POLE3: variants seen among roughly 807,000 people sequenced by gnomAD.
The protein encoded by POLE3 is DNA polymerase epsilon subunit 3.
A neutral mutation model predicts 16.1 loss-of-function variants in POLE3; 10 were observed. The observed-to-expected ratio is 0.62, with a 90% CI of 0.38 to 1.05. The LOEUF is 1.05. Among genes scored for constraint, POLE3 ranks in the 50% least tolerant of loss-of-function variants. The pLI is 0.01. For missense variants in POLE3, 169 were observed against 185.0 expected (o/e 0.91, Z 0.50); for synonymous variants, 83 against 71.0 (o/e 1.17, Z -0.85).
chr9:113,409,580 A>G (rs1225467060), intron 4 of POLE3, 30 bp downstream of exon 4: 3 of 1,290,666 alleles, frequency 2.3e-6, no homozygotes, highest in African/African-American at 1.5e-5. Flanking sequence ...ACCATCTTCT[A>G]TGTGGTTTAG....
rs1242988457 is a variant in POLE3 at position 113,408,688 on chromosome 9, T to G, written c.*123A>C. ...GACGGTATTTCTAGTCAGTTTTTAT[T>G]CTGATCTTTTCAGGCACTTTTGCCT... On this transcript the variant is annotated 3_prime_UTR_variant, in exon 5 of 5. Transcript: ENST00000374171. 2 of 762,228 alleles carry G rather than the reference T, an allele frequency of 2.6e-6. No individual in the cohort carries two copies. The highest frequency in any genetic ancestry group is 3.5e-5 in the African/African-American group (2 of 57,468). 47.2% of individuals were successfully genotyped at this position (762,228 alleles called of 1,614,324 possible).
In POLE3 at chr9:113,408,288, T is replaced by C. The variant is rs1827979619; in HGVS notation, c.*523A>G. 6.6e-6 allele frequency: 1 copy of C among 152,328 alleles called. No individual in the cohort carries two copies. Among genetic ancestry groups the C allele is most frequent in the African/African-American group, 2.4e-5 (1 of 41,450 alleles). The allele number at this position is 152,328 out of a possible 1,614,324, so 9.4% of individuals were successfully genotyped here. ...AGTGAAGAGAGAGAACGGATTTTGT[T>C]ATTCTCCCACAGCATTTTAGTAGTT... On this transcript the variant is annotated 3_prime_UTR_variant, in exon 5 of 5. Coordinates refer to ENST00000374171, the MANE Select transcript of POLE3 (RefSeq NM_017443.5).
intron 3 of POLE3, 51 bp downstream of exon 3, chr9:113,410,004 A>G (rs1248311001): frequency 2.1e-6 from 3 of 1,452,716 alleles, no homozygotes; most frequent in African/African-American, 2.8e-5. Flanking sequence ...CCCAGCCAGC[A>G]ACTCCCAGCC....
In POLE3 at chr9:113,410,343, C is replaced by G. The variant is rs748646033; in HGVS notation, c.-50G>C. ...CCTTCGCCTCCGCTTCAGGGAGCTA[C>G]TGCGTCCGGACTTCCCGCGTCGCTA... On this transcript the variant is annotated 5_prime_UTR_variant, in exon 2 of 5. Coordinates refer to ENST00000374171, the MANE Select transcript of POLE3 (RefSeq NM_017443.5). 6.4e-7 allele frequency: 1 copy of G among 1,557,814 alleles called. No individual in the cohort carries two copies. The highest frequency in any genetic ancestry group is 1.1e-5 in the South Asian group (1 of 88,000).
At chr9:113,410,506 G>A (rs1429054378) in intron 1 of POLE3, 98 bp from the exon 2 acceptor site, 3 of 604,134 alleles carry the variant, frequency 5.0e-6, no homozygotes, top group African/African-American at 1.8e-5. Flanking sequence ...TTTTGAAGCC[G>A]CAGTGGTTTT....
rs918481657 is a variant in POLE3 at position 113,409,158 on chromosome 9, T to G, written c.272-175A>C. Among the ~76,000 whole-genome samples, 23 of 151,524 alleles carry G rather than the reference T, an allele frequency of 1.5e-4. 1 individual carries two copies. Among genetic ancestry groups the G allele is most frequent in the Non-Finnish European group, 1.5e-5 (1 of 67,894 alleles). On this transcript the variant is annotated intron_variant, in intron 4 of 4. Coordinates refer to ENST00000374171, the MANE Select transcript of POLE3 (RefSeq NM_017443.5). ...GGGCGGATCACCTGAGGTCAGGAGT[T>G]CAAGACCAGCCTGGCCAATATGGTG...
chr9:113,410,686 G>A (rs1468035757), upstream of POLE3: 1 of 243,538 alleles, frequency 4.1e-6, no homozygotes. Flanking sequence ...GGGTGACGGC[G>A]CGGCCGGGCG....
At position 113,410,254 on chromosome 9, in the gene POLE3, C is replaced by A; in HGVS notation, c.40G>T (p.Val14Leu). 1 of 1,613,808 alleles carries A rather than the reference C, an allele frequency of 6.2e-7. No homozygotes were observed. Among genetic ancestry groups the A allele is most frequent in the Non-Finnish European group, 8.5e-7 (1 of 1,179,996 alleles). Residue 14 changes from valine to leucine, a missense_variant, in exon 2 of 5, where the codon GTG becomes TTG. By Grantham distance (32) the Val-to-Leu change is conservative. Transcript: ENST00000374171. ...GCCTCCTTGATGATCCTGGTGATCA[C>A]GGCATTGGGCAGGTTTAGGTCCTCG... ...RPEDLNLPNAVITRIIKEALP... is the reference protein window; with the variant it reads ...RPEDLNLPNALITRIIKEALP...
chr9:113,409,888 A>G (rs1828047477), intron 3 of POLE3, 160 bp from the exon 4 acceptor site: 2 of 755,674 alleles, frequency 2.6e-6, no homozygotes, highest in Non-Finnish European at 4.3e-6. Flanking sequence ...AAGCTAAAGC[A>G]AAGTGATTTT....
At position 113,409,359 on chromosome 9, in the gene POLE3, CAAAAAA is replaced by C. The variant is rs35481754; in HGVS notation, c.271+245_271+250del. ...TGGGTGACAGAGCAAGACTCCGTCT[CAAAAAA>C]AAAAAAAAAAAAACAAAAACAAGAA... On this transcript the variant is annotated intron_variant, in intron 4 of 4. Coordinates refer to ENST00000374171, the MANE Select transcript of POLE3 (RefSeq NM_017443.5). Among the ~76,000 whole-genome samples the C allele has an allele frequency of 1.2e-4, 11 of 89,498 alleles. No individual in the cohort carries two copies. The East Asian group carries it at 3.9e-3, about 32-fold the overall frequency. 58.7% of individuals were successfully genotyped at this position (89,498 alleles called of 152,430 possible). A position where few individuals can be genotyped will look rare whatever the true frequency, so the allele number is the denominator to read the frequency against.
intron 3 of POLE3, 37 bp from the exon 4 acceptor site, chr9:113,409,765 T>C: frequency 7.4e-7 from 1 of 1,353,044 alleles, no homozygotes; most frequent in Non-Finnish European, 1.1e-6. Context: ...TCCCTCTTGT[T>C]TGTAAGGCGT....
chr9:113,409,282 C>A (rs185314331), intron 4 of POLE3, among the ~76,000 whole-genome samples: 280 of 150,282 alleles, frequency 1.9e-3, no homozygotes, highest in African/African-American at 6.5e-3. Context: ...ATTGCTTGAA[C>A]CCAGGAGGAG....
chr9:113,409,359 CAAAAA>C (rs35481754), intron 4 of POLE3, among the ~76,000 whole-genome samples: 2 of 89,504 alleles, frequency 2.2e-5, no homozygotes, highest in Non-Finnish European at 4.5e-5. Context: ...GACTCCGTCT[CAAAAA>C]AAAAAAAAAA....
chr9:113,410,131 C>A lies in POLE3; in HGVS notation c.76G>T (p.Gly26Cys). ...CGGGCCTCCTTGGAGATGTTGACAC[C>A]GTCCGGGAGCTGCGAGGAGACCGGG... is the stretch of plus-strand genomic sequence containing the variant. ...TRIIKEALPD[G>C]VNISKEARSA... Residue 26 changes from glycine to cysteine, a missense_variant, in exon 3 of 5, where the codon GGT (glycine) becomes TGT (cysteine). By Grantham distance (159) the Gly-to-Cys change is radical. Coordinates refer to ENST00000374171, the MANE Select transcript of POLE3 (RefSeq NM_017443.5). The A allele has an allele frequency of 6.3e-7, 1 of 1,597,560 alleles. No individual in the cohort carries two copies. Among genetic ancestry groups the A allele is most frequent in the South Asian group, 1.1e-5 (1 of 88,680 alleles).
At chr9:113,410,689 G>A, upstream of POLE3, 1 of 245,600 alleles carries the variant, frequency 4.1e-6, no homozygotes, top group East Asian at 9.2e-5. Context: ...TGACGGCGCG[G>A]CCGGGCGCAG....
chr9:113,408,595 C>A lies in POLE3; in HGVS notation c.*216G>T. 1 of 448,750 alleles carries A rather than the reference C, an allele frequency of 2.2e-6. No homozygotes were observed. Among genetic ancestry groups the A allele is most frequent in the African/African-American group, 2.0e-5 (1 of 51,048 alleles). 27.8% of individuals were successfully genotyped at this position (448,750 alleles called of 1,614,324 possible). A position where few individuals can be genotyped will look rare whatever the true frequency, so the allele number is the denominator to read the frequency against. On this transcript the variant is annotated 3_prime_UTR_variant, in exon 5 of 5. Coordinates refer to ENST00000374171, the MANE Select transcript of POLE3 (RefSeq NM_017443.5). ...ATCCCTCTTGTCAAAAGGCCATAAC[C>A]TTCAGATTGATGAAGCAAAACAGGA... is the stretch of plus-strand genomic sequence containing the variant.
chr9:113,409,735 G>T lies in POLE3; in HGVS notation c.153-7C>A. On this transcript the variant is annotated splice_polypyrimidine_tract_variant and splice_region_variant and intron_variant, in intron 3 of 4. Transcript: ENST00000374171. ...CATTGCAAAGTTGTTAGCACTGAGA[G>T]AAGAGAAAGGCTGTCAGACTCCCTC... The T allele has an allele frequency of 6.4e-7, 1 of 1,552,092 alleles. No individual in the cohort carries two copies. The highest frequency in any genetic ancestry group is 8.9e-7 in the Non-Finnish European group (1 of 1,123,900).
rs185581302 is a variant in POLE3 at position 113,409,745 on chromosome 9, G to A, written c.153-17C>T. On this transcript the variant is annotated splice_polypyrimidine_tract_variant and intron_variant, in intron 3 of 4. Transcript: ENST00000374171. Reference sequence around the variant, plus strand: ...TTGTTAGCACTGAGAGAAGAGAAAGGCTGTCAGACTCCCTCTTGTTTGTAA... The same window carrying A: ...TTGTTAGCACTGAGAGAAGAGAAAGACTGTCAGACTCCCTCTTGTTTGTAA... 1.6e-4 allele frequency: 230 copies of A among 1,482,556 alleles called. No individual in the cohort carries two copies. The highest frequency in any genetic ancestry group is 2.0e-4 in the Non-Finnish European group (213 of 1,060,580). The allele number at this position is 1,482,556 out of a possible 1,614,324, so 91.8% of individuals were successfully genotyped here. A position where few individuals can be genotyped will look rare whatever the true frequency, so the allele number is the denominator to read the frequency against.
At chr9:113,409,072 A>C in intron 4 of POLE3, 89 bp from the exon 5 acceptor site, 1 of 1,290,522 alleles carries the variant, frequency 7.7e-7, no homozygotes, top group Non-Finnish European at 1.1e-6. Flanking sequence ...AATTGGAAAA[A>C]CGGAGGCAGA....
Sources: allele counts gnomAD v4.1 joint callset (sites outside exome capture counted in the v4.1 genomes callset), GRCh38; gene constraint gnomAD v4.1.1; transcripts MANE v1.5; gene names NCBI Gene and HGNC (gene_info 2026-07-23, HGNC 2026-07-21).